Variants in LSAMP observed in about 807,000 individuals in gnomAD.
The protein encoded by LSAMP is limbic system associated membrane protein.
In LSAMP, 7 loss-of-function variants were observed where a neutral mutation model predicts 38.6. The observed-to-expected ratio is 0.18, with a 90% CI of 0.10 to 0.34. LSAMP has a LOEUF of 0.34. LSAMP is among the 10% of genes least tolerant of loss of function. The probability of loss-of-function intolerance (pLI) is 1.00; values close to 1 mark genes in which losing one functional copy is unlikely to be tolerated. For synonymous variants in LSAMP, 154 were observed against 166.8 expected, an observed-to-expected ratio of 0.92 and a Z score of 0.59; for missense variants, 313 against 420.0, an observed-to-expected ratio of 0.75 and a Z score of 2.23.
At chr3:116,065,262 A>T (rs1011581477) in intron 2 of LSAMP, among the ~76,000 whole-genome samples, 1 of 152,368 alleles carries the variant, frequency 6.6e-6, no homozygotes, top group East Asian at 1.9e-4. Flanking sequence ...GCCAAGTGAA[A>T]TAAGAAGAGA....
intron 3 of LSAMP, among the ~76,000 whole-genome samples, chr3:115,958,494 G>A (rs1938524698): frequency 6.6e-6 from 1 of 152,094 alleles, no homozygotes; most frequent in African/African-American, 2.4e-5. Context: ...AGTTTGCTCA[G>A]ACATTATAAA....
intron 1 of LSAMP, among the ~76,000 whole-genome samples, chr3:116,420,184 G>A (rs1050347612): frequency 1.3e-5 from 2 of 149,554 alleles, no homozygotes; most frequent in African/African-American, 2.5e-5. Flanking sequence ...TGCTACCTCC[G>A]CCTCCTGGGT....
intron 1 of LSAMP, among the ~76,000 whole-genome samples, chr3:116,349,517 T>TCACACA (rs57435910): frequency 5.2e-4 from 76 of 147,490 alleles, no homozygotes; most frequent in Admixed American, 1.9e-3. Flanking sequence ...TCTCTCTCTC[T>TCACACA]CACACACACA....
At chr3:116,400,702 T>C (rs1213644050) in intron 1 of LSAMP, among the ~76,000 whole-genome samples, 1 of 152,162 alleles carries the variant, frequency 6.6e-6, no homozygotes, top group African/African-American at 2.4e-5. Context: ...GTTCTCAAAC[T>C]CCTGACCTCA....
chr3:116,206,312 T>C (rs1381902486), intron 1 of LSAMP, among the ~76,000 whole-genome samples: 1 of 150,242 alleles, frequency 6.7e-6, no homozygotes, highest in Non-Finnish European at 1.5e-5. Context: ...TTATTAGTCT[T>C]GCTAGCGGTC....
At chr3:115,901,961 T>G (rs1243818511) in intron 3 of LSAMP, among the ~76,000 whole-genome samples, 3 of 151,860 alleles carry the variant, frequency 2.0e-5, no homozygotes, top group Non-Finnish European at 4.4e-5. Context: ...ACACTAGCAA[T>G]CAATGATAAA....
At chr3:115,963,126 G>T (rs1938684380) in intron 3 of LSAMP, among the ~76,000 whole-genome samples, 2 of 152,082 alleles carry the variant, frequency 1.3e-5, no homozygotes, top group Admixed American at 6.5e-5. Context: ...CAACTTGATT[G>T]TGTGGGACCA....
At chr3:116,406,497 T>C (rs577696383) in intron 1 of LSAMP, among the ~76,000 whole-genome samples, 1 of 152,220 alleles carries the variant, frequency 6.6e-6, no homozygotes, top group South Asian at 2.1e-4. Flanking sequence ...CCTCTTTTTT[T>C]ACTCTGCTGT....
At chr3:116,431,013 T>C (rs1044365874) in intron 1 of LSAMP, among the ~76,000 whole-genome samples, 2 of 152,080 alleles carry the variant, frequency 1.3e-5, no homozygotes, top group African/African-American at 4.8e-5. Flanking sequence ...AACTAAAATT[T>C]TCTTCCCTAT....
chr3:116,182,396 T>C (rs1162973158), intron 1 of LSAMP, among the ~76,000 whole-genome samples: 1 of 151,226 alleles, frequency 6.6e-6, no homozygotes, highest in Non-Finnish European at 1.5e-5. Context: ...TATAGAAATA[T>C]ATATACAAGA....
chr3:116,028,970 C>A (rs186735679), intron 2 of LSAMP, among the ~76,000 whole-genome samples: 1 of 152,144 alleles, frequency 6.6e-6, no homozygotes, highest in East Asian at 1.9e-4. Flanking sequence ...AAAAGTGACA[C>A]AAAAATGCAA....
At chr3:115,897,688 G>C (rs1936763623) in intron 3 of LSAMP, among the ~76,000 whole-genome samples, 1 of 152,254 alleles carries the variant, frequency 6.6e-6, no homozygotes, top group East Asian at 1.9e-4. Context: ...AAAACAGAAA[G>C]AAGGGTGTGT....
At chr3:116,107,211 G>C (rs369987293) in intron 1 of LSAMP, among the ~76,000 whole-genome samples, 2 of 152,160 alleles carry the variant, frequency 1.3e-5, no homozygotes, top group African/African-American at 2.4e-5. Context: ...ATTGAAGTCC[G>C]GGCCAGGAAC....
chr3:115,854,304 A>C (rs1321795104), intron 3 of LSAMP, among the ~76,000 whole-genome samples: 1 of 94,292 alleles, frequency 1.1e-5, no homozygotes, highest in Non-Finnish European at 2.1e-5. Flanking sequence ...TTTTTTTGAG[A>C]TGGAGTCCCG....
At chr3:116,132,238 C>CA (rs71141854) in intron 1 of LSAMP, among the ~76,000 whole-genome samples, 11,189 of 145,754 alleles carry the variant, frequency 0.077, 471 homozygotes, top group African/African-American at 0.11. Context: ...ATAGAACTAT[C>CA]AAAAAAAAAA....
chr3:116,016,845 A>G (rs563196419), intron 3 of LSAMP, among the ~76,000 whole-genome samples: 1 of 152,292 alleles, frequency 6.6e-6, no homozygotes, highest in East Asian at 1.9e-4. Flanking sequence ...TTAAAAAACT[A>G]TTCTTCACTT....
intron 1 of LSAMP, among the ~76,000 whole-genome samples, chr3:116,312,093 T>C (rs1204001348): frequency 3.3e-5 from 5 of 152,168 alleles, no homozygotes; most frequent in African/African-American, 1.2e-4. Context: ...GGCATTCTTA[T>C]CAAAAAGCTA....
chr3:115,963,007 C>A (rs9865369), intron 3 of LSAMP, among the ~76,000 whole-genome samples: 33,441 of 152,096 alleles, frequency 0.22, 3,956 homozygotes, highest in African/African-American at 0.29. Flanking sequence ...CAGGGACCAA[C>A]TTACTACTGA....
intron 1 of LSAMP, among the ~76,000 whole-genome samples, chr3:116,196,381 A>C (rs997098073): frequency 6.6e-6 from 1 of 152,116 alleles, no homozygotes; most frequent in Non-Finnish European, 1.5e-5. Context: ...TCCAACTATC[A>C]ATATATATTT....
Sources: gnomAD v4.1 joint callset for allele counts (sites outside exome capture counted in the v4.1 genomes callset) on GRCh38, gnomAD v4.1.1 for gene constraint, MANE v1.5 for transcripts, NCBI Gene and HGNC (gene_info 2026-07-23, HGNC 2026-07-21) for gene names.